ZNF37A: variants seen among roughly 807,000 people sequenced by gnomAD.
The protein encoded by ZNF37A is zinc finger protein 37a (KOX 21).
In ZNF37A, 10 loss-of-function variants were observed where a neutral mutation model predicts 12.3. That is an observed-to-expected ratio of 0.82 (90% CI 0.50 to 1.38). The LOEUF is 1.38. Ranked by LOEUF, ZNF37A falls within the 40% of genes most tolerant of loss-of-function variation. ZNF37A has a pLI of 0.00. For synonymous variants in ZNF37A, 207 were observed against 223.0 expected, an observed-to-expected ratio of 0.93 and a Z score of 0.64; for missense variants, 580 against 651.2, an observed-to-expected ratio of 0.89 and a Z score of 1.19.
downstream of ZNF37A, chr10:38,124,989 C>CT (rs1307676143): frequency 6.6e-6 from 1 of 152,086 alleles, no homozygotes; most frequent in East Asian, 1.9e-4. Context: ...GTGGTGTTAC[C>CT]TTTGACTCCC....
At position 38,117,708 on chromosome 10, in the gene ZNF37A, C is replaced by A. The variant is rs1437732677; in HGVS notation, c.557C>A (p.Ser186Ter). ...YTEHGKTCDM[S>*]FFITHQQTHP... is the part of the protein sequence containing the mutation. ...GAACATGGGAAAACCTGTGATATGT[C>A]ATTTTTCATCACTCATCAGCAAACA... is the stretch of plus-strand genomic sequence containing the variant. Residue 186 changes from serine (S) to a stop codon, truncating the protein, a stop_gained, in exon 8 of 8, where the codon TCA becomes TAA. Coordinates refer to ENST00000685332, the MANE Select transcript of ZNF37A (RefSeq NM_001324250.3). LOFTEE classifies it low-confidence loss of function (END_TRUNC). 6.2e-7 allele frequency: 1 copy of A among 1,613,874 alleles called. No individual in the cohort carries two copies. Among genetic ancestry groups the A allele is most frequent in the Non-Finnish European group, 8.5e-7 (1 of 1,179,946 alleles).
At chr10:38,112,743 T>TG (rs1564931846) in intron 5 of ZNF37A, among the ~76,000 whole-genome samples, 16 of 70,538 alleles carry the variant, frequency 2.3e-4, no homozygotes, top group African/African-American at 7.1e-4. Context: ...TTCTTTTCTT[T>TG]TCTTTTCTTT....
chr10:38,098,973 C>T (rs2474575), intron 5 of ZNF37A, among the ~76,000 whole-genome samples: 62,499 of 151,860 alleles, frequency 0.41, 13,048 homozygotes, highest in East Asian at 0.5. Context: ...GTGGATACTT[C>T]AGTATTTTTT....
In ZNF37A at chr10:38,122,259, GAT is replaced by G. The variant is rs1210853755; in HGVS notation, c.*3423_*3424del. 1.3e-5 allele frequency: 2 copies of G among 151,420 alleles called. No individual in the cohort carries two copies. The highest frequency in any genetic ancestry group is 2.9e-5 in the Non-Finnish European group (2 of 67,874). 9.4% of individuals were successfully genotyped at this position (151,420 alleles called of 1,614,324 possible). On this transcript the variant is annotated 3_prime_UTR_variant, in exon 8 of 8. Transcript: ENST00000685332. ...TCTCAGGAAAAAAGAAAAAAAAAAA[GAT>G]GTCATTCAGCAGGTTAATGGATAAA...
chr10:38,096,860 T>C (rs2067193984), intron 5 of ZNF37A, among the ~76,000 whole-genome samples: 1 of 152,178 alleles, frequency 6.6e-6, no homozygotes, highest in Non-Finnish European at 1.5e-5. Context: ...AAGAATTATA[T>C]GAAATTCAGA....
rs1201803871 is a variant in ZNF37A, at chr10:38,122,504, A to G, written c.*3667A>G. The G allele has an allele frequency of 6.6e-6, 1 of 152,176 alleles. No individual in the cohort carries two copies. 9.4% of individuals were successfully genotyped at this position (152,176 alleles called of 1,614,324 possible). On this transcript the variant is annotated 3_prime_UTR_variant, in exon 8 of 8. Coordinates refer to ENST00000685332, the MANE Select transcript of ZNF37A (RefSeq NM_001324250.3). ...ATAACAACAGACACATAGGAACAGT[A>G]TAGACAACCCAGAAACAAATTCATA...
At chr10:38,147,627 A>C (rs888984278) in exon 8 of ZNF37A, 1 of 152,222 alleles carries the variant, frequency 6.6e-6, no homozygotes, top group African/African-American at 2.4e-5. Context: ...ACCCACAATG[A>C]GTCTTTTACA....
At chr10:38,112,776 T>TCGG (rs1427272239) in intron 5 of ZNF37A, among the ~76,000 whole-genome samples, 3,069 of 137,090 alleles carry the variant, frequency 0.022, 365 homozygotes, top group Middle Eastern at 0.031. Flanking sequence ...TTTTCTTTTC[T>TCGG]TTTCTTTTCT....
rs748580050 is a variant in ZNF37A, at chr10:38,117,922, C to T, written c.771C>T (p.Val257=). The part of the protein sequence containing the change: ...ECGTFFSEKL[V]LHLQQRTHTG... ...GAACATTTTTCAGTGAAAAATTAGT[C>T]CTTCATTTACAACAGAGAACACATA... The change falls in exon 8 of 8, where the codon GTC becomes GTT. Residue 257 remains valine (V), a synonymous_variant. Coordinates refer to ENST00000685332, the MANE Select transcript of ZNF37A (RefSeq NM_001324250.3). 5.6e-6 allele frequency: 9 copies of T among 1,613,678 alleles called. No individual in the cohort carries two copies. Among genetic ancestry groups the T allele is most frequent in the Non-Finnish European group, 2.5e-6 (3 of 1,179,970 alleles).
At chr10:38,146,519 C>A (rs189550619) in intron 7 of ZNF37A, among the ~76,000 whole-genome samples, 1 of 152,082 alleles carries the variant, frequency 6.6e-6, no homozygotes, top group Admixed American at 6.5e-5. Context: ...TCCCGAGAGA[C>A]AATGACAAAG....
Position 38,117,750 on chromosome 10 carries a change from A to G in ZNF37A, c.599A>G (p.His200Arg). ...CAGCAAACACATCCAAGAGAAAACC[A>G]CTATGGTAATGAATGTGGAGAAAAT... ...THQQTHPREN[H>R]YGNECGENIF... The change falls in exon 8 of 8, where the codon CAC becomes CGC. Residue 200 changes from histidine to arginine, a missense_variant. Physicochemically the swap from His to Arg is conservative, Grantham distance 29 (BLOSUM62 0). Coordinates refer to ENST00000685332, the MANE Select transcript of ZNF37A (RefSeq NM_001324250.3). 6.2e-7 allele frequency: 1 copy of G among 1,613,988 alleles called. No homozygotes were observed. The highest frequency in any genetic ancestry group is 8.5e-7 in the Non-Finnish European group (1 of 1,179,984).
intron 5 of ZNF37A, among the ~76,000 whole-genome samples, chr10:38,097,925 CAT>C (rs2067277235): frequency 6.6e-6 from 1 of 152,178 alleles, no homozygotes; most frequent in South Asian, 2.1e-4. Context: ...CAAAAGGAAA[CAT>C]AGTACCCTTA....
chr10:38,096,600 T>TTCC lies in ZNF37A; in HGVS notation c.-17_-15dup, dbSNP rs754263618. ...TACACCCTCACAGTTTGCTCTGCTC[T>TTCC]TCCAACACCAGTGGAAGATGATCAC... On this transcript the variant is annotated 5_prime_UTR_variant, in exon 5 of 8. Transcript: ENST00000685332. 21 of 1,612,132 alleles carry TTCC rather than the reference T, an allele frequency of 1.3e-5. No homozygotes were observed. The African/African-American group carries it at 2.3e-4, about 17-fold the overall frequency.
At chr10:38,128,802 G>A (rs1209402305), downstream of ZNF37A, among the ~76,000 whole-genome samples, 1 of 152,110 alleles carries the variant, frequency 6.6e-6, no homozygotes, top group African/African-American at 2.4e-5. Context: ...CGCCCAGGCT[G>A]GAGTGCAGTG....
rs201777153 is a variant in ZNF37A, at chr10:38,118,620, T to C, written c.1469T>C (p.Ile490Thr). ...CTAATTGTTCACCAGAGAACTCATATAAGACAGAAACCCTATGGATGTAAT... is the reference window on the plus strand; with the variant it reads ...CTAATTGTTCACCAGAGAACTCATACAAGACAGAAACCCTATGGATGTAAT... ...SALIVHQRTH[I>T]RQKPYGCNQC... Residue 490 changes from isoleucine to threonine, a missense_variant, in exon 8 of 8, where the codon ATA (isoleucine) becomes ACA (threonine). By Grantham distance (89) the Ile-to-Thr change is moderately conservative. Coordinates refer to ENST00000685332, the MANE Select transcript of ZNF37A (RefSeq NM_001324250.3). The C allele has an allele frequency of 5.2e-5, 84 of 1,605,424 alleles. 1 individual carries two copies. Among genetic ancestry groups the C allele is most frequent in the Non-Finnish European group, 6.4e-5 (75 of 1,174,776 alleles).
Position 38,112,762 on chromosome 10 carries a change from T to TGGTC in ZNF37A, c.16-1993_16-1992insGGTC, listed in dbSNP as rs1338552586. Among the ~76,000 whole-genome samples, 27 of 60,126 alleles carry TGGTC rather than the reference T, an allele frequency of 4.5e-4. 3 individuals are homozygous for TGGTC. The highest frequency in any genetic ancestry group is 1.6e-3 in the African/African-American group (26 of 16,302). 39.4% of individuals were successfully genotyped at this position (60,126 alleles called of 152,430 possible). On this transcript the variant is annotated intron_variant, in intron 5 of 7. Transcript: ENST00000685332. ...TTTCTTTTCTTTTCTTTTCTTTTCT[T>TGGTC]TTCTTTTCTTTTCTTTTCTTTTCTT...
Position 38,117,606 on chromosome 10 carries a change from G to C in ZNF37A, c.455G>C (p.Gly152Ala), listed in dbSNP as rs2069376240. 6.2e-7 allele frequency: 1 copy of C among 1,613,836 alleles called. No homozygotes were observed. The highest frequency in any genetic ancestry group is 8.5e-7 in the Non-Finnish European group (1 of 1,179,942). ...WEQSFEYNEC[G>A]KAFPENSLFL... ...CAATCTTTTGAATACAATGAATGTG[G>C]GAAAGCTTTCCCTGAGAATTCACTC... Residue 152 changes from glycine (G) to alanine (A), a missense_variant, in exon 8 of 8, where the codon GGG becomes GCG. Gly to Ala is a moderately conservative substitution (Grantham distance 60). Coordinates refer to ENST00000685332, the MANE Select transcript of ZNF37A (RefSeq NM_001324250.3).
In ZNF37A at chr10:38,119,366, C is replaced by G. The variant is rs2069552262; in HGVS notation, c.*529C>G. 3 of 999,058 alleles carry G rather than the reference C, an allele frequency of 3.0e-6. No homozygotes were observed. Among genetic ancestry groups the G allele is most frequent in the Non-Finnish European group, 3.6e-6 (3 of 832,954 alleles). 61.9% of individuals were successfully genotyped at this position (999,058 alleles called of 1,614,324 possible). ...AAGTCAAGAGGCCAGAGAAAATGCA[C>G]AAACTGTAGGAAACTATAGGAAAGC... is the stretch of plus-strand genomic sequence containing the variant. On this transcript the variant is annotated 3_prime_UTR_variant, in exon 8 of 8. Coordinates refer to ENST00000685332, the MANE Select transcript of ZNF37A (RefSeq NM_001324250.3).
intron 7 of ZNF37A, chr10:38,115,496 G>GTTTT: frequency 7.8e-6 from 4 of 515,512 alleles, no homozygotes; most frequent in Non-Finnish European, 9.5e-6. Context: ...ACATCTTGTT[G>GTTTT]TTTTTTTTAA....
Sources: gnomAD v4.1 joint callset for allele counts (sites outside exome capture counted in the v4.1 genomes callset) on GRCh38, gnomAD v4.1.1 for gene constraint, MANE v1.5 for transcripts, NCBI Gene and HGNC (gene_info 2026-07-23, HGNC 2026-07-21) for gene names.